The following MCTP2 variants were observed in gnomAD, a reference collection of about 807,000 sequenced individuals.
MCTP2 encodes the protein multiple C2 and transmembrane domain containing 2.
A neutral mutation model predicts 111.6 loss-of-function variants in MCTP2; 132 were observed. The ratio of observed to expected loss-of-function variants is 1.18; its 90% CI spans 1.03 to 1.37. The LOEUF (loss-of-function observed/expected upper bound fraction) is 1.37. MCTP2 is among the 40% of genes most tolerant of loss of function. The pLI is 0.00. For missense variants in MCTP2, 1,183 were observed against 1,067.9 expected (o/e 1.11, Z -1.50); for synonymous variants, 395 against 387.7 (o/e 1.02, Z -0.22).
chr15:94,314,314 T>C lies in MCTP2; in HGVS notation c.498T>C (p.Ser166=). ...KLCGSSDLNA[S]MTSQHFEEQS... is the part of the protein sequence containing the mutation. ...GTGGAAGCAGTGACCTGAATGCTTC[T>C]ATGACATCTCAACATTTTGAAGAAC... Residue 166 remains serine, a synonymous_variant, in exon 3 of 23, where the codon TCT becomes TCC. Transcript: ENST00000357742. 6.2e-7 allele frequency: 1 copy of C among 1,610,180 alleles called. No homozygotes were observed. Among genetic ancestry groups the C allele is most frequent in the South Asian group, 1.1e-5 (1 of 90,442 alleles).
chr15:94,315,228 G>T (rs1243118275), intron 3 of MCTP2, among the ~76,000 whole-genome samples: 2 of 152,152 alleles, frequency 1.3e-5, no homozygotes, highest in Non-Finnish European at 2.9e-5. Context: ...TATAACAAGG[G>T]ATCCTGCAGT....
chr15:94,326,600 C>T (rs534607158), intron 4 of MCTP2, among the ~76,000 whole-genome samples: 18 of 151,754 alleles, frequency 1.2e-4, no homozygotes, highest in African/African-American at 4.1e-4. Context: ...CTGAGTCTCG[C>T]TCTGTCACCC....
At chr15:94,347,037 A>C (rs2078023233) in intron 8 of MCTP2, among the ~76,000 whole-genome samples, 1 of 152,164 alleles carries the variant, frequency 6.6e-6, no homozygotes, top group Non-Finnish European at 1.5e-5. Flanking sequence ...AGTTTACTTT[A>C]TTAATTTTTG....
At chr15:94,390,072 A>ATATATACATG (rs2080809693) in intron 14 of MCTP2, among the ~76,000 whole-genome samples, 5 of 16,646 alleles carry the variant, frequency 3.0e-4, no homozygotes, top group African/African-American at 7.3e-4. Context: ...ATATATATAT[A>ATATATACATG]TATATATATA....
chr15:94,311,425 G>C (rs35427669), intron 2 of MCTP2, among the ~76,000 whole-genome samples: 38,558 of 152,044 alleles, frequency 0.25, 6,911 homozygotes, highest in African/African-American at 0.5. Flanking sequence ...AAGTAAGTTA[G>C]TGATGTAGTT....
chr15:94,264,793 A>G (rs770020537), intron 1 of MCTP2, among the ~76,000 whole-genome samples: 5 of 152,212 alleles, frequency 3.3e-5, no homozygotes, highest in Non-Finnish European at 7.3e-5. Context: ...AACAAAAACA[A>G]AAGAAGGGGA....
chr15:94,463,159 T>C lies in MCTP2; in HGVS notation c.2360+4913T>C, dbSNP rs143482122. Among the ~76,000 whole-genome samples the C allele has an allele frequency of 2.0e-3, 309 of 152,324 alleles. 1 individual carries two copies. Among genetic ancestry groups the C allele is most frequent in the African/African-American group, 7.0e-3 (290 of 41,580 alleles). On this transcript the variant is annotated intron_variant, in intron 20 of 22. Transcript: ENST00000357742. ...ACTTGTGCACACACAACTGTTGGGA[T>C]CTTTATTAGGACTGCATTAATTGGG...
chr15:94,391,881 GT>G (rs1344977312), intron 14 of MCTP2, among the ~76,000 whole-genome samples: 7 of 152,092 alleles, frequency 4.6e-5, no homozygotes, highest in African/African-American at 1.7e-4. Flanking sequence ...TGTTAAATCA[GT>G]TCAACTTTTC....
chr15:94,454,851 C>T (rs542073898), intron 19 of MCTP2, among the ~76,000 whole-genome samples: 3 of 152,276 alleles, frequency 2.0e-5, no homozygotes, highest in Middle Eastern at 3.4e-3. Flanking sequence ...GGTGGAGTCT[C>T]GCTCTGTGGC....
chr15:94,403,293 C>T (rs1195640527), intron 17 of MCTP2: 34 of 969,520 alleles, frequency 3.5e-5, no homozygotes, highest in Non-Finnish European at 4.2e-5. Flanking sequence ...ATTTGTTTAT[C>T]CACTTCCCTT....
rs750199795 is a variant in MCTP2 at position 94,298,291 on chromosome 15, G to C, written c.26G>C (p.Trp9Ser). The change falls in exon 2 of 23, where the codon TGG becomes TCG. Residue 9 changes from tryptophan to serine, a missense_variant. Physicochemically the swap from Trp to Ser is radical, Grantham distance 177 (BLOSUM62 -3). Coordinates refer to ENST00000357742, the MANE Select transcript of MCTP2 (RefSeq NM_001385001.1). The part of the protein sequence containing the change: MDLDKPSV[W>S]GSLKQRTRPL... The stretch of plus-strand genomic sequence containing the variant: ...ATGGATCTGGATAAACCATCTGTTT[G>C]GGGCTCATTAAAACAGCGGACCAGG... 58 of 1,613,160 alleles carry C rather than the reference G, an allele frequency of 3.6e-5. No individual in the cohort carries two copies. Among genetic ancestry groups the C allele is most frequent in the Non-Finnish European group, 4.5e-5 (53 of 1,179,584 alleles).
At chr15:94,446,964 T>C (rs1235871838) in intron 19 of MCTP2, among the ~76,000 whole-genome samples, 1 of 152,258 alleles carries the variant, frequency 6.6e-6, no homozygotes, top group African/African-American at 2.4e-5. Flanking sequence ...GTTGATTGAT[T>C]GAGGAGCATA....
chr15:94,283,593 A>G (rs1567327686), intron 1 of MCTP2, among the ~76,000 whole-genome samples: 1 of 152,162 alleles, frequency 6.6e-6, no homozygotes, highest in Non-Finnish European at 1.5e-5. Flanking sequence ...GTTTGGGGCC[A>G]GGAATGAGTC....
At chr15:94,422,474 G>T (rs2152494643) in intron 17 of MCTP2, among the ~76,000 whole-genome samples, 1 of 152,246 alleles carries the variant, frequency 6.6e-6, no homozygotes, top group African/African-American at 2.4e-5. Flanking sequence ...TAGCATCCCA[G>T]GCAAAAGCGA....
Position 94,341,260 on chromosome 15 carries a change from T to C in MCTP2, c.969+336T>C, listed in dbSNP as rs1039139980. ...TGGGAAGATACAAATTTTAATGTTC[T>C]CTAGTCTAGTACATGCAAATTTCTA... On this transcript the variant is annotated intron_variant, in intron 7 of 22. Transcript: ENST00000357742. 1.4e-4 allele frequency: 41 copies of C among 289,542 alleles called. No individual in the cohort carries two copies. The Admixed American group carries it at 1.9e-3, about 13-fold the overall frequency. 17.9% of individuals were successfully genotyped at this position (289,542 alleles called of 1,614,324 possible). A position where few individuals can be genotyped will look rare whatever the true frequency, so the allele number is the denominator to read the frequency against.
chr15:94,330,325 G>C (rs1236990895), intron 4 of MCTP2, among the ~76,000 whole-genome samples: 1 of 152,082 alleles, frequency 6.6e-6, no homozygotes. Context: ...ATAGTGGCTT[G>C]GGTGGGGGAT....
chr15:94,276,034 T>G (rs56052861), intron 1 of MCTP2, among the ~76,000 whole-genome samples: 33 of 151,906 alleles, frequency 2.2e-4, no homozygotes, highest in Non-Finnish European at 4.3e-4. Flanking sequence ...TTAGTAGAGA[T>G]GGGATTTCAC....
At chr15:94,354,470 C>T (rs2152422127) in intron 8 of MCTP2, among the ~76,000 whole-genome samples, 1 of 152,210 alleles carries the variant, frequency 6.6e-6, no homozygotes, top group Non-Finnish European at 1.5e-5. Flanking sequence ...GGGGATCTTT[C>T]CACTTCACTC....
intron 10 of MCTP2, among the ~76,000 whole-genome samples, chr15:94,358,912 A>T (rs2078773499): frequency 6.6e-6 from 1 of 152,210 alleles, no homozygotes; most frequent in Non-Finnish European, 1.5e-5. Context: ...AATATACGCT[A>T]TAATTTTGGT....
Sources: gnomAD v4.1 joint callset for allele counts (sites outside exome capture counted in the v4.1 genomes callset) on GRCh38, gnomAD v4.1.1 for gene constraint, MANE v1.5 for transcripts, NCBI Gene and HGNC (gene_info 2026-07-23, HGNC 2026-07-21) for gene names.